Variants in XKR6 observed in about 807,000 individuals in gnomAD.
XKR6 encodes the protein XK related 6, also known as XK-related protein 6.
In XKR6, 22 loss-of-function variants were observed where a neutral mutation model predicts 56.7. The ratio of observed to expected loss-of-function variants is 0.39; its 90% CI spans 0.28 to 0.55. The LOEUF (loss-of-function observed/expected upper bound fraction) is 0.55, where lower values mean the gene tolerates loss of function less well. Among genes scored for constraint, XKR6 ranks in the 20% least tolerant of loss-of-function variants. XKR6 has a pLI of 0.66. For synonymous variants in XKR6, 524 were observed against 387.8 expected, an observed-to-expected ratio of 1.35 and a Z score of -4.13; for missense variants, 852 against 889.0, an observed-to-expected ratio of 0.96 and a Z score of 0.53.
At chr8:11,066,739 T>C (rs572318520) in intron 1 of XKR6, 1 of 152,340 alleles carries the variant, frequency 6.6e-6, no homozygotes, top group East Asian at 1.9e-4. Flanking sequence ...ATTTTCTAGA[T>C]GAGGCAGCTG....
Position 11,014,930 on chromosome 8 carries a change from G to C in XKR6, c.765-90100C>G, listed in dbSNP as rs566511731. 3.9e-5 allele frequency among the ~76,000 whole-genome samples: 6 copies of C among 152,320 alleles called. 1 individual carries two copies. Among genetic ancestry groups the C allele is most frequent in the African/African-American group, 1.2e-4 (5 of 41,566 alleles). ...AGAGAGAAAAGCTATGTCTTCATCA[G>C]AAGGTTATCCAAATTCCAAATCATC... On this transcript the variant is annotated intron_variant, in intron 1 of 2. Transcript: ENST00000416569.
chr8:11,188,983 A>G (rs575843064), intron 1 of XKR6, among the ~76,000 whole-genome samples: 3 of 152,220 alleles, frequency 2.0e-5, no homozygotes, highest in Non-Finnish European at 4.4e-5. Context: ...ATATCTTACC[A>G]GTAAACACCA....
At chr8:10,975,234 G>A (rs1016911218) in intron 1 of XKR6, among the ~76,000 whole-genome samples, 14 of 152,176 alleles carry the variant, frequency 9.2e-5, no homozygotes, top group African/African-American at 2.2e-4. Context: ...TGGCTGCCCC[G>A]GCAGGGGGAG....
chr8:11,086,148 A>ATATAT (rs71203369), intron 1 of XKR6, among the ~76,000 whole-genome samples: 19,453 of 120,560 alleles, frequency 0.16, 1,678 homozygotes, highest in South Asian at 0.22. Flanking sequence ...ATATATATAT[A>ATATAT]TTTTTTTTTA....
intron 1 of XKR6, among the ~76,000 whole-genome samples, chr8:11,142,548 G>C (rs1042491298): frequency 1.3e-5 from 2 of 152,142 alleles, no homozygotes; most frequent in African/African-American, 2.4e-5. Flanking sequence ...TGATGAGTGA[G>C]TTATTGCTCT....
At chr8:10,972,518 A>C (rs1204311340) in intron 1 of XKR6, among the ~76,000 whole-genome samples, 1 of 152,246 alleles carries the variant, frequency 6.6e-6, no homozygotes. Flanking sequence ...CTTATCATGG[A>C]ATCGTATTGC....
chr8:10,962,421 G>A (rs1179077925), intron 1 of XKR6, among the ~76,000 whole-genome samples: 1 of 152,208 alleles, frequency 6.6e-6, no homozygotes, highest in Non-Finnish European at 1.5e-5. Flanking sequence ...GGTGCTCTGA[G>A]AGGTAGGACT....
intron 1 of XKR6, among the ~76,000 whole-genome samples, chr8:11,140,171 T>C (rs1216078737): frequency 7.1e-6 from 1 of 141,190 alleles, no homozygotes; most frequent in East Asian, 2.1e-4. Flanking sequence ...AGAGAAGAAA[T>C]GAATACTAAA....
At chr8:10,907,278 G>A (rs922974238) in intron 2 of XKR6, among the ~76,000 whole-genome samples, 2 of 152,146 alleles carry the variant, frequency 1.3e-5, no homozygotes, top group African/African-American at 2.4e-5. Flanking sequence ...GCTCTTTAAC[G>A]TAAGTGAGTG....
intron 1 of XKR6, among the ~76,000 whole-genome samples, chr8:11,133,734 G>A (rs76279309): frequency 0.028 from 4,260 of 152,128 alleles, 219 homozygotes; most frequent in African/African-American, 0.097. Context: ...GTCCTCAATA[G>A]CCTGATTCCT....
At chr8:11,005,905 A>T (rs1798357619) in intron 1 of XKR6, among the ~76,000 whole-genome samples, 1 of 138,514 alleles carries the variant, frequency 7.2e-6, no homozygotes, top group African/African-American at 2.8e-5. Context: ...GCATAGTGGC[A>T]CATTCTCAGC....
At chr8:10,945,498 A>G (rs1323084265) in intron 1 of XKR6, among the ~76,000 whole-genome samples, 1 of 152,164 alleles carries the variant, frequency 6.6e-6, no homozygotes, top group African/African-American at 2.4e-5. Flanking sequence ...TAAATAAATA[A>G]AAATGAAAAG....
chr8:11,168,174 T>C (rs73530548), intron 1 of XKR6, among the ~76,000 whole-genome samples: 43 of 152,234 alleles, frequency 2.8e-4, no homozygotes, highest in Admixed American at 1.3e-3. Flanking sequence ...GGAAAAAGTA[T>C]AGCCCATTCA....
chr8:11,156,913 G>C (rs1297251300), intron 1 of XKR6, among the ~76,000 whole-genome samples: 1 of 152,020 alleles, frequency 6.6e-6, no homozygotes, highest in Non-Finnish European at 1.5e-5. Context: ...GGAAGATGGG[G>C]GAAAAGGCAA....
intron 1 of XKR6, among the ~76,000 whole-genome samples, chr8:11,140,923 T>A (rs1184608468): frequency 1.2e-4 from 17 of 145,182 alleles, no homozygotes; most frequent in African/African-American, 4.1e-4. Context: ...AAAACCTTCC[T>A]GAGAAACCTC....
intron 1 of XKR6, among the ~76,000 whole-genome samples, chr8:11,097,658 T>C (rs183521278): frequency 4.0e-5 from 6 of 151,590 alleles, no homozygotes; most frequent in African/African-American, 1.5e-4. Flanking sequence ...AAATACAAAA[T>C]TAGCCGGGCG....
In XKR6 at chr8:10,898,175, A is replaced by C; in HGVS notation, c.1703T>G (p.Met568Arg). The change falls in exon 3 of 3, where the codon ATG (methionine) becomes AGG (arginine). Residue 568 changes from methionine to arginine, a missense_variant. Physicochemically the swap from Met to Arg is moderately conservative, Grantham distance 91. Around this residue, in one of 4 missense-constraint regions of XKR6, gnomAD observed 197 missense variants for 190.9 expected, o/e 1.03. Coordinates refer to ENST00000416569, the MANE Select transcript of XKR6 (RefSeq NM_173683.4). The surrounding 1 kb of genome is among the most constrained non-coding windows in gnomAD (Gnocchi z 6.6). ...TCLPVFQVRP[M>R]GPPTPLGRPY... ...ACGCCCCAACGGGGTAGGGGGCCCC[A>C]TGGGTCTCACTTGGAAAACAGGCAA... 1 of 1,614,064 alleles carries C rather than the reference A, an allele frequency of 6.2e-7. No individual in the cohort carries two copies. The highest frequency in any genetic ancestry group is 8.5e-7 in the Non-Finnish European group (1 of 1,179,970).
At chr8:11,167,010 T>C (rs1034870974) in intron 1 of XKR6, among the ~76,000 whole-genome samples, 1 of 152,206 alleles carries the variant, frequency 6.6e-6, no homozygotes, top group African/African-American at 2.4e-5. Context: ...ATCTGTTGCC[T>C]GCAGCGTGTG....
intron 1 of XKR6, among the ~76,000 whole-genome samples, chr8:11,029,918 C>CCG (rs923017363): frequency 8.5e-5 from 13 of 152,194 alleles, no homozygotes; most frequent in African/African-American, 2.7e-4. Context: ...CAGAAGAACT[C>CCG]TAACAGTCTA....
Sources: gnomAD v4.1 joint callset for allele counts (sites outside exome capture counted in the v4.1 genomes callset) on GRCh38, gnomAD v4.1.1 for gene constraint, gnomAD v4.1.1 regional missense constraint, Gnocchi (gnomAD v3.1) non-coding constraint, MANE v1.5 for transcripts, NCBI Gene and HGNC (gene_info 2026-07-23, HGNC 2026-07-21) for gene names.